KIF21B: variants seen among roughly 807,000 people sequenced by gnomAD.
The protein encoded by KIF21B is kinesin family member 21B, also known as kinesin-like protein KIF21B.
KIF21B carries 85 observed loss-of-function variants against 192.9 expected under a neutral mutation model. That is an observed-to-expected ratio of 0.44 (90% CI 0.37 to 0.53). The LOEUF is 0.53. Among genes scored for constraint, KIF21B ranks in the 20% least tolerant of loss-of-function variants. KIF21B has a pLI of 0.00. For missense variants in KIF21B, 1,716 were observed against 2,194.8 expected, an observed-to-expected ratio of 0.78 and a Z score of 4.36; for synonymous variants, 832 against 884.6, an observed-to-expected ratio of 0.94 and a Z score of 1.05.
intron 1 of KIF21B, among the ~76,000 whole-genome samples, chr1:201,021,041 C>T (rs1354458218): frequency 1.3e-5 from 2 of 152,186 alleles, no homozygotes; most frequent in African/African-American, 4.8e-5. Flanking sequence ...CAAGCCTTGC[C>T]CTTCCCATAA....
intron 30 of KIF21B, among the ~76,000 whole-genome samples, chr1:200,977,992 C>T (rs1402596489): frequency 6.6e-6 from 1 of 150,754 alleles, no homozygotes; most frequent in Non-Finnish European, 1.5e-5. Flanking sequence ...CCTCAGCCTC[C>T]CAAAGTGCTG....
Position 200,991,643 on chromosome 1 carries a change from T to C in KIF21B, c.2454+14A>G, listed in dbSNP as rs1425819071. The stretch of plus-strand genomic sequence containing the variant: ...GCAGGGCCAGGGCCTCGCCAGCCCC[T>C]CGAGTGAGCTCACCTCCTGGGTCTT... On this transcript the variant is annotated intron_variant, in intron 17 of 34. Transcript: ENST00000461742. 4 of 1,613,294 alleles carry C rather than the reference T, an allele frequency of 2.5e-6. No individual in the cohort carries two copies. The highest frequency in any genetic ancestry group is 3.4e-6 in the Non-Finnish European group (4 of 1,179,862).
chr1:200,990,006 CTGA>C lies in KIF21B; in HGVS notation c.3065_3067del (p.Ile1022del). ...GCGGGCTTCAGCCAGGGAGCAGGAG[CTGA>C]TGACCACGGATGTGTCTGTGGAGTC... On this transcript the variant is annotated inframe_deletion, in exon 21 of 35. Transcript: ENST00000461742. This position sits in a 1 kb window ranked among gnomAD's most constrained non-coding sequence, Gnocchi z 5.4. The C allele has an allele frequency of 6.2e-7, 1 of 1,614,014 alleles. No homozygotes were observed. The highest frequency in any genetic ancestry group is 8.5e-7 in the Non-Finnish European group (1 of 1,180,016).
Position 200,978,052 on chromosome 1 carries a change from T to C in KIF21B, c.4161-676A>G, listed in dbSNP as rs1311071138. ...CCCAGCCTGTTTACATTTATTTATG[T>C]TTGTTTGTTTGTTTGAGATGGAGTT... On this transcript the variant is annotated intron_variant, in intron 30 of 34. Transcript: ENST00000461742. Among the ~76,000 whole-genome samples the C allele has an allele frequency of 2.7e-5, 4 of 148,466 alleles. No individual in the cohort carries two copies. In the East Asian group the frequency reaches 7.9e-4, roughly 29 times the overall value.
chr1:200,997,113 T>C (rs1657113389), intron 14 of KIF21B, among the ~76,000 whole-genome samples: 1 of 152,166 alleles, frequency 6.6e-6, no homozygotes, highest in Non-Finnish European at 1.5e-5. Context: ...CAGCTTCCAC[T>C]TTCACTCCCC....
rs1432560859 is a variant in KIF21B, at chr1:201,000,711, A to C, written c.1466+6T>G. ...CGCGCACACCTGCCGGAGCTCACTC[A>C]CTCACCGTAGCTCCTCGATCTCCCG... On this transcript the variant is annotated splice_donor_region_variant and intron_variant, in intron 10 of 34. Coordinates refer to ENST00000461742, the MANE Select transcript of KIF21B (RefSeq NM_001252102.2). This position sits in a 1 kb window ranked among gnomAD's most constrained non-coding sequence, Gnocchi z 6.0. 1.2e-6 allele frequency: 2 copies of C among 1,614,076 alleles called. No individual in the cohort carries two copies. Among genetic ancestry groups the C allele is most frequent in the South Asian group, 1.1e-5 (1 of 91,086 alleles).
In KIF21B at chr1:201,002,260, G is replaced by T. The variant is rs755226578; in HGVS notation, c.1303C>A (p.Arg435=). The change falls in exon 9 of 35, where the codon CGG becomes AGG. Residue 435 remains arginine (R), a synonymous_variant. Transcript: ENST00000461742. The part of the protein sequence containing the change: ...AMLQKENGAL[R]LRVKAMQEAI... ...TCCTGCATGGCTTTCACCCGCAGCC[G>T]CAGGGCCCCATTCTCCTTCTGTAGC... is the stretch of plus-strand genomic sequence containing the variant. 1 of 1,614,148 alleles carries T rather than the reference G, an allele frequency of 6.2e-7. No individual in the cohort carries two copies. Among genetic ancestry groups the T allele is most frequent in the South Asian group, 1.1e-5 (1 of 91,082 alleles).
intron 16 of KIF21B, among the ~76,000 whole-genome samples, chr1:200,991,972 G>A (rs892827046): frequency 6.6e-5 from 10 of 152,248 alleles, no homozygotes; most frequent in African/African-American, 2.2e-4. Context: ...ATCCTGGAGC[G>A]GAGGGCTCAG....
chr1:200,990,545 GA>G lies in KIF21B; in HGVS notation c.2835+30del. On this transcript the variant is annotated intron_variant, in intron 19 of 34. Coordinates refer to ENST00000461742, the MANE Select transcript of KIF21B (RefSeq NM_001252102.2). This position sits in a 1 kb window ranked among gnomAD's most constrained non-coding sequence, Gnocchi z 5.4. ...GTGTCAGAGGACAGGCAGAGGGGTG[GA>G]ATGGAAGAGAAGGGGGAGGCAGGGC... 7.5e-6 allele frequency: 12 copies of G among 1,608,710 alleles called. No individual in the cohort carries two copies. In the African/African-American group the frequency reaches 9.3e-5, roughly 13 times the overall value.
Position 200,986,844 on chromosome 1 carries a change from C to A in KIF21B, c.3689G>T (p.Arg1230Met). 6.2e-7 allele frequency: 1 copy of A among 1,612,466 alleles called. No homozygotes were observed. Among genetic ancestry groups the A allele is most frequent in the Non-Finnish European group, 8.5e-7 (1 of 1,179,114 alleles). ...RKSYDRGQPI[R>M]STDVGFTPPS... ...AGCAGATTCTAGAACATGATCTCAC[C>A]TAATGGGCTGCCCTCGGTCGTAGGA... Residue 1230 changes from arginine to methionine, a missense_variant and splice_region_variant, in exon 26 of 35, where the codon AGG becomes ATG. Coordinates refer to ENST00000461742, the MANE Select transcript of KIF21B (RefSeq NM_001252102.2).
At position 201,008,949 on chromosome 1, in the gene KIF21B, C is replaced by T. The variant is rs543450318; in HGVS notation, c.267G>A (p.Thr89=). Residue 89 remains threonine, a splice_region_variant and synonymous_variant, in exon 3 of 35, where the codon ACG becomes ACA. Transcript: ENST00000461742. The stretch of plus-strand genomic sequence containing the variant: ...CCATGGTGTACGTCTTCCCGGCCCC[C>T]GTCTGCATTGGCAAAGATAGGAGGG... The part of the protein sequence containing the change: ...YNATVLAYGQ[T]GAGKTYTMGT... 52 of 1,607,844 alleles carry T rather than the reference C, an allele frequency of 3.2e-5. No homozygotes were observed. The East Asian group carries it at 7.1e-4, about 22-fold the overall frequency.
At chr1:201,022,974 G>A (rs1032896787) in intron 1 of KIF21B, among the ~76,000 whole-genome samples, 3 of 152,250 alleles carry the variant, frequency 2.0e-5, no homozygotes, top group Non-Finnish European at 4.4e-5. Context: ...TTCCCTCTCT[G>A]GTATCCCCGT....
intron 1 of KIF21B, among the ~76,000 whole-genome samples, chr1:201,022,546 C>T (rs192145163): frequency 6.6e-6 from 1 of 152,272 alleles, no homozygotes; most frequent in African/African-American, 2.4e-5. Context: ...CTTTGTGTAC[C>T]CCTCCCAATA....
Position 200,984,979 on chromosome 1 carries a change from A to T in KIF21B, c.3690-7T>A, listed in dbSNP as rs1656191741. ...GAATCCCACATCTGTGGACCTGGTG[A>T]GTCGGGACAGAGGGCAGCCTGTTAG... On this transcript the variant is annotated splice_region_variant and splice_polypyrimidine_tract_variant and intron_variant, in intron 26 of 34. Transcript: ENST00000461742. 6.2e-7 allele frequency: 1 copy of T among 1,600,054 alleles called. No homozygotes were observed.
At position 200,982,795 on chromosome 1, in the gene KIF21B, C is replaced by T. The variant is rs1656027601; in HGVS notation, c.3842+261G>A. On this transcript the variant is annotated intron_variant, in intron 28 of 34. Transcript: ENST00000461742. This position sits in a 1 kb window ranked among gnomAD's most constrained non-coding sequence, Gnocchi z 4.7. ...GCCCAGGTGAGGAGGGAGAAGAGAA[C>T]AGGGCCTGCGACAAGCAACTGTGCA... Among the ~76,000 whole-genome samples the T allele has an allele frequency of 1.3e-5, 2 of 152,166 alleles. No individual in the cohort carries two copies. The highest frequency in any genetic ancestry group is 4.8e-5 in the African/African-American group (2 of 41,438).
intron 9 of KIF21B, chr1:201,001,885 T>C (rs2102442456): frequency 2.1e-6 from 1 of 480,224 alleles, no homozygotes; most frequent in Non-Finnish European, 3.8e-6. Flanking sequence ...TTCTGAGAAG[T>C]AGAGAGGGCT....
chr1:201,000,914 C>T lies in KIF21B; in HGVS notation c.1403-134G>A, dbSNP rs1657456812. 1.2e-6 allele frequency: 1 copy of T among 818,308 alleles called. No individual in the cohort carries two copies. Among genetic ancestry groups the T allele is most frequent in the Non-Finnish European group, 2.1e-6 (1 of 486,120 alleles). The allele number at this position is 818,308 out of a possible 1,614,324, so 50.7% of individuals were successfully genotyped here. A position where few individuals can be genotyped will look rare whatever the true frequency, so the allele number is the denominator to read the frequency against. ...CCTGAGGCTGGGAGTTCGAGACTAG[C>T]CTGACCAACATGGAGAAACCCCGTC... On this transcript the variant is annotated intron_variant, in intron 9 of 34. Coordinates refer to ENST00000461742, the MANE Select transcript of KIF21B (RefSeq NM_001252102.2). The surrounding 1 kb of genome is among the most constrained non-coding windows in gnomAD (Gnocchi z 6.0).
In KIF21B at chr1:200,972,364, T is replaced by G. The variant is rs1040583631; in HGVS notation, c.*1157A>C. Reference sequence around the variant, plus strand: ...CTGCAGGGCTGGGGAGGGGCGGGGGTCAGGGTGCCGGGCTGTCCTCCCCAT... The same window carrying G: ...CTGCAGGGCTGGGGAGGGGCGGGGGGCAGGGTGCCGGGCTGTCCTCCCCAT... On this transcript the variant is annotated 3_prime_UTR_variant, in exon 35 of 35. Transcript: ENST00000461742. The G allele has an allele frequency of 2.0e-5, 3 of 149,944 alleles. No individual in the cohort carries two copies. The highest frequency in any genetic ancestry group is 2.1e-4 in the South Asian group (1 of 4,720). The allele number at this position is 149,944 out of a possible 1,614,324, so 9.3% of individuals were successfully genotyped here.
rs1288637841 is a variant in KIF21B, at chr1:200,970,148, G to C, written c.*3373C>G. On this transcript the variant is annotated 3_prime_UTR_variant, in exon 35 of 35. Coordinates refer to ENST00000461742, the MANE Select transcript of KIF21B (RefSeq NM_001252102.2). ...ATCGGGGGATGCCCCCCAGAGCTGA[G>C]AGCTAGCAGGGCAAAGAAGTGTTAT... The C allele has an allele frequency of 1.3e-5, 2 of 152,914 alleles. No homozygotes were observed. The highest frequency in any genetic ancestry group is 2.9e-5 in the Non-Finnish European group (2 of 68,144). 9.5% of individuals were successfully genotyped at this position (152,914 alleles called of 1,614,324 possible).
Sources: gnomAD v4.1 joint callset for allele counts (sites outside exome capture counted in the v4.1 genomes callset) on GRCh38, gnomAD v4.1.1 for gene constraint, Gnocchi (gnomAD v3.1) non-coding constraint, MANE v1.5 for transcripts, NCBI Gene and HGNC (gene_info 2026-07-23, HGNC 2026-07-21) for gene names.